Variants in DGKE observed in about 807,000 individuals in gnomAD.
DGKE encodes the protein DAG kinase epsilon.
In DGKE, 53 loss-of-function variants were observed where a neutral mutation model predicts 70.0. The ratio of observed to expected loss-of-function variants is 0.76; its 90% CI spans 0.61 to 0.95. DGKE has a LOEUF of 0.95. DGKE is among the 40% of genes least tolerant of loss of function. The pLI is 0.00. For synonymous variants in DGKE, 291 were observed against 257.0 expected (o/e 1.13, Z -1.27); for missense variants, 655 against 706.9 (o/e 0.93, Z 0.83).
At chr17:56,858,702 G>A (rs1429346805) in intron 9 of DGKE, 37 bp downstream of exon 9, 1 of 1,436,190 alleles carries the variant, frequency 7.0e-7, no homozygotes, top group Non-Finnish European at 9.5e-7. Flanking sequence ...TAAAGTTTTA[G>A]GTGGTCTCTG....
chr17:56,842,149 C>G (rs942847365), intron 2 of DGKE, among the ~76,000 whole-genome samples: 2 of 152,026 alleles, frequency 1.3e-5, no homozygotes, highest in African/African-American at 4.8e-5. Context: ...GAAAAACAAA[C>G]GTATACACTA....
intron 4 of DGKE, among the ~76,000 whole-genome samples, chr17:56,846,636 C>CA (rs1012585543): frequency 2.7e-5 from 3 of 111,574 alleles, no homozygotes; most frequent in African/African-American, 1.0e-4. Context: ...AACCAAAAAA[C>CA]AAAAAAATAC....
chr17:56,843,670 G>A lies in DGKE; in HGVS notation c.465-349G>A, dbSNP rs142797248. Among the ~76,000 whole-genome samples, 1,063 of 151,820 alleles carry A rather than the reference G, an allele frequency of 7.0e-3. 5 individuals are homozygous for A. The highest frequency in any genetic ancestry group is 0.024 in the African/African-American group (1,007 of 41,390). On this transcript the variant is annotated intron_variant, in intron 2 of 11. Transcript: ENST00000284061. ...AAAATTACCCAGGCGGTAGTAGCAC[G>A]AACTTGTAATCCCAGCTACTTGGGA...
At chr17:56,856,971 G>A (rs2144276533) in intron 8 of DGKE, among the ~76,000 whole-genome samples, 1 of 152,078 alleles carries the variant, frequency 6.6e-6, no homozygotes, top group Admixed American at 6.5e-5. Context: ...GGTGGCAGGT[G>A]TCTGTAATCC....
In DGKE at chr17:56,835,177, A is replaced by G; in HGVS notation, c.382A>G (p.Ile128Val). ...CCTGGACGCCATGCCCCACCACTGG[A>G]TCCGGGGCAACGTGCCCCTGTGCAG... ...KVLDAMPHHW[I>V]RGNVPLCSYC... Residue 128 changes from isoleucine (I) to valine (V), a missense_variant, in exon 2 of 12, where the codon ATC (isoleucine) becomes GTC (valine). Transcript: ENST00000284061. 6.2e-7 allele frequency: 1 copy of G among 1,614,114 alleles called. No individual in the cohort carries two copies. The highest frequency in any genetic ancestry group is 8.5e-7 in the Non-Finnish European group (1 of 1,180,036).
Position 56,867,512 on chromosome 17 carries a change from A to G in DGKE, c.*4721A>G, listed in dbSNP as rs775348793. 2.6e-5 allele frequency: 4 copies of G among 152,212 alleles called. No homozygotes were observed. Among genetic ancestry groups the G allele is most frequent in the African/African-American group, 4.8e-5 (2 of 41,440 alleles). 9.4% of individuals were successfully genotyped at this position (152,212 alleles called of 1,614,324 possible). On this transcript the variant is annotated 3_prime_UTR_variant, in exon 12 of 12. Coordinates refer to ENST00000284061, the MANE Select transcript of DGKE (RefSeq NM_003647.3). ...CAGCTAATCAGGAGGCTGAGGCACG[A>G]GAATTGCTCGAACCCAGGCGGCAGA...
At chr17:56,859,319 C>A (rs1317224744) in intron 9 of DGKE, among the ~76,000 whole-genome samples, 1 of 150,488 alleles carries the variant, frequency 6.6e-6, no homozygotes, top group Non-Finnish European at 1.5e-5. Flanking sequence ...AGCAAGACTC[C>A]GTCTCAAAAA....
In DGKE at chr17:56,868,265, T is replaced by C. The variant is rs941076417; in HGVS notation, c.*5474T>C. ...GGATGATGATGGCTCATAAAAACGT[T>C]TGTTCTCAGTCCAGTTCAGGGCTCT... On this transcript the variant is annotated 3_prime_UTR_variant, in exon 12 of 12. Coordinates refer to ENST00000284061, the MANE Select transcript of DGKE (RefSeq NM_003647.3). 1 of 152,316 alleles carries C rather than the reference T, an allele frequency of 6.6e-6. No individual in the cohort carries two copies. Among genetic ancestry groups the C allele is most frequent in the African/African-American group, 2.4e-5 (1 of 41,474 alleles). 9.4% of individuals were successfully genotyped at this position (152,316 alleles called of 1,614,324 possible).
In DGKE at chr17:56,865,974, T is replaced by C. The variant is rs1286400490; in HGVS notation, c.*3183T>C. 1 of 152,182 alleles carries C rather than the reference T, an allele frequency of 6.6e-6. No individual in the cohort carries two copies. Among genetic ancestry groups the C allele is most frequent in the African/African-American group, 2.4e-5 (1 of 41,460 alleles). 9.4% of individuals were successfully genotyped at this position (152,182 alleles called of 1,614,324 possible). On this transcript the variant is annotated 3_prime_UTR_variant, in exon 12 of 12. Coordinates refer to ENST00000284061, the MANE Select transcript of DGKE (RefSeq NM_003647.3). ...GTGGTTTTCCTTCAAAATGATAATA[T>C]TGAAGCAAGAACCAGCATTTTATAT...
intron 2 of DGKE, among the ~76,000 whole-genome samples, chr17:56,840,599 C>G (rs1906915605): frequency 6.6e-6 from 1 of 152,182 alleles, no homozygotes; most frequent in African/African-American, 2.4e-5. Flanking sequence ...AGGCTGGTCT[C>G]AAACTTCTGA....
At chr17:56,850,905 TGCAG>T (rs1907607449) in intron 7 of DGKE, among the ~76,000 whole-genome samples, 1 of 152,146 alleles carries the variant, frequency 6.6e-6, no homozygotes, top group Non-Finnish European at 1.5e-5. Context: ...GAGAACAGGG[TGCAG>T]GTGTGCTTAG....
At chr17:56,840,669 C>T (rs904399470) in intron 2 of DGKE, among the ~76,000 whole-genome samples, 7 of 152,160 alleles carry the variant, frequency 4.6e-5, no homozygotes, top group Admixed American at 6.5e-5. Flanking sequence ...TGCCCCACTG[C>T]GTCCAGCCAA....
chr17:56,850,802 C>T (rs1047439720), intron 7 of DGKE, among the ~76,000 whole-genome samples: 2 of 152,102 alleles, frequency 1.3e-5, no homozygotes, highest in Admixed American at 1.3e-4. Flanking sequence ...CTGCAGAAAA[C>T]CAAGAAAGAA....
At chr17:56,856,077 A>G (rs1907928618) in intron 7 of DGKE, among the ~76,000 whole-genome samples, 1 of 151,918 alleles carries the variant, frequency 6.6e-6, no homozygotes, top group Non-Finnish European at 1.5e-5. Context: ...TGTTGAGTAC[A>G]GTCATTGAAA....
chr17:56,856,222 C>G (rs1459471045), intron 7 of DGKE, among the ~76,000 whole-genome samples: 1 of 151,924 alleles, frequency 6.6e-6, no homozygotes, highest in African/African-American at 2.4e-5. Context: ...AATGGGAACA[C>G]AGGCATGAAA....
At chr17:56,835,440 T>C in intron 2 of DGKE, 181 bp downstream of exon 2, 1 of 655,850 alleles carries the variant, frequency 1.5e-6, no homozygotes. Context: ...AGTCATTTGC[T>C]GAGACGATGC....
chr17:56,852,269 C>T (rs571761085), intron 7 of DGKE, among the ~76,000 whole-genome samples: 17 of 151,210 alleles, frequency 1.1e-4, no homozygotes, highest in East Asian at 9.8e-4. Context: ...AAAAATTAGC[C>T]GGGTGTGGTC....
At chr17:56,855,954 C>T (rs778193135) in intron 7 of DGKE, among the ~76,000 whole-genome samples, 7 of 146,658 alleles carry the variant, frequency 4.8e-5, no homozygotes, top group African/African-American at 1.0e-4. Flanking sequence ...TGCAGAGAGC[C>T]GAGATCGCGC....
At chr17:56,836,223 C>G (rs1906609823) in intron 2 of DGKE, 1 of 148,078 alleles carries the variant, frequency 6.8e-6, no homozygotes, top group Non-Finnish European at 1.5e-5. Context: ...ATTTTTTTTG[C>G]AGAAATTCTT....
Sources: allele counts gnomAD v4.1 joint callset (sites outside exome capture counted in the v4.1 genomes callset), GRCh38; gene constraint gnomAD v4.1.1; transcripts MANE v1.5; gene names NCBI Gene and HGNC (gene_info 2026-07-23, HGNC 2026-07-21).